BCLAF1: variants seen among roughly 807,000 people sequenced by gnomAD.
The protein encoded by BCLAF1 is bcl-2-associated transcription factor 1.
Under a neutral mutation model 99.5 loss-of-function variants are expected in BCLAF1, and 10 were observed. That is an observed-to-expected ratio of 0.10 (90% CI 0.06 to 0.17). The LOEUF is 0.17. Ranked by LOEUF, BCLAF1 falls within the 10% of genes least tolerant of loss-of-function variation. The pLI is 1.00. For synonymous variants in BCLAF1, 255 were observed against 370.9 expected (o/e 0.69, Z 3.59); for missense variants, 636 against 1,105.8 (o/e 0.58, Z 6.02).
chr6:136,288,045 G>A (rs1384721508), intron 1 of BCLAF1, among the ~76,000 whole-genome samples: 1 of 152,176 alleles, frequency 6.6e-6, no homozygotes, highest in Non-Finnish European at 1.5e-5. Context: ...AACCAGACCT[G>A]AGCCTACCAG....
intron 8 of BCLAF1, 198 bp downstream of exon 8, chr6:136,271,795 CTT>C (rs1782569239): frequency 1.1e-5 from 4 of 379,062 alleles, no homozygotes; most frequent in South Asian, 1.5e-4. Flanking sequence ...AAAAAACACT[CTT>C]GGTTTAAATT....
chr6:136,286,555 G>A (rs903933162), intron 1 of BCLAF1, among the ~76,000 whole-genome samples: 9 of 152,178 alleles, frequency 5.9e-5, no homozygotes, highest in Non-Finnish European at 1.2e-4. Flanking sequence ...GGTAACCCTT[G>A]TTTAGGCAGC....
At chr6:136,283,552 A>C (rs1784660440) in intron 1 of BCLAF1, among the ~76,000 whole-genome samples, 1 of 152,214 alleles carries the variant, frequency 6.6e-6, no homozygotes, top group Non-Finnish European at 1.5e-5. Context: ...TATTCACATC[A>C]AGTATGTGCA....
At chr6:136,287,101 C>T (rs1785241837) in intron 1 of BCLAF1, among the ~76,000 whole-genome samples, 1 of 151,890 alleles carries the variant, frequency 6.6e-6, no homozygotes, top group African/African-American at 2.4e-5. Context: ...GATCACGCCA[C>T]TGCACACCAG....
At chr6:136,266,894 G>A (rs1781792682) in intron 11 of BCLAF1, 135 bp downstream of exon 11, 2 of 1,144,982 alleles carry the variant, frequency 1.7e-6, no homozygotes, top group African/African-American at 1.6e-5. Flanking sequence ...AATCGTCTGG[G>A]TAATTATTTT....
chr6:136,271,292 T>C (rs1384730330), intron 8 of BCLAF1, among the ~76,000 whole-genome samples: 1 of 151,880 alleles, frequency 6.6e-6, no homozygotes, highest in Non-Finnish European at 1.5e-5. Context: ...AGTTGCTCCC[T>C]TTCTGCCTTT....
intron 10 of BCLAF1, 136 bp downstream of exon 10, chr6:136,268,026 C>A (rs1781961340): frequency 2.3e-6 from 2 of 865,436 alleles, no homozygotes; most frequent in African/African-American, 1.7e-5. Flanking sequence ...AACACCACTT[C>A]ATGTTTCAAT....
rs1231091149 is a variant in BCLAF1 at position 136,258,201 on chromosome 6, T to A, written c.*2909A>T. The A allele has an allele frequency of 1.3e-5, 2 of 152,108 alleles. No homozygotes were observed. Among genetic ancestry groups the A allele is most frequent in the Admixed American group, 6.5e-5 (1 of 15,272 alleles). 9.4% of individuals were successfully genotyped at this position (152,108 alleles called of 1,614,324 possible). A position where few individuals can be genotyped will look rare whatever the true frequency, so the allele number is the denominator to read the frequency against. On this transcript the variant is annotated 3_prime_UTR_variant, in exon 13 of 13. Transcript: ENST00000531224. ...GAATGAAAAGACAATTCTTTTTACTTATTTACTAGCTACTATGTTTTTAGA... is the reference window on the plus strand; with the variant it reads ...GAATGAAAAGACAATTCTTTTTACTAATTTACTAGCTACTATGTTTTTAGA...
chr6:136,276,871 T>C (rs1187361407), intron 4 of BCLAF1, among the ~76,000 whole-genome samples: 3 of 152,200 alleles, frequency 2.0e-5, no homozygotes, highest in Admixed American at 1.3e-4. Context: ...AGAATTCTAT[T>C]GATAATTATC....
intron 11 of BCLAF1, among the ~76,000 whole-genome samples, chr6:136,263,086 T>C (rs879266968): frequency 1.3e-5 from 2 of 152,200 alleles, no homozygotes; most frequent in Non-Finnish European, 2.9e-5. Context: ...ACACTTCACA[T>C]GTATTTATTC....
At chr6:136,273,673 T>A (rs1782863499) in intron 6 of BCLAF1, 1 of 155,540 alleles carries the variant, frequency 6.4e-6, no homozygotes, top group Non-Finnish European at 1.4e-5. Flanking sequence ...ATAAAAACAC[T>A]GAATATTATC....
rs1263358071 is a variant in BCLAF1 at position 136,258,205 on chromosome 6, T to TA, written c.*2904dup. ...GAAAAGACAATTCTTTTTACTTATT[T>TA]ACTAGCTACTATGTTTTTAGAAAGA... On this transcript the variant is annotated 3_prime_UTR_variant, in exon 13 of 13. Transcript: ENST00000531224. The TA allele has an allele frequency of 5.9e-5, 9 of 152,114 alleles. No homozygotes were observed. Among genetic ancestry groups the TA allele is most frequent in the Non-Finnish European group, 8.8e-5 (6 of 67,938 alleles). 9.4% of individuals were successfully genotyped at this position (152,114 alleles called of 1,614,324 possible). A position where few individuals can be genotyped will look rare whatever the true frequency, so the allele number is the denominator to read the frequency against.
intron 8 of BCLAF1, among the ~76,000 whole-genome samples, chr6:136,270,732 C>G (rs1048822270): frequency 5.9e-5 from 9 of 151,754 alleles, no homozygotes; most frequent in African/African-American, 2.2e-4. Context: ...AGGATAAAAA[C>G]CAATGGCATA....
Position 136,265,430 on chromosome 6 carries a change from C to T in BCLAF1, c.2544+1599G>A, listed in dbSNP as rs78807329. 5.2e-3 allele frequency among the ~76,000 whole-genome samples: 784 copies of T among 152,222 alleles called. 8 individuals are homozygous for T. The highest frequency in any genetic ancestry group is 0.018 in the African/African-American group (755 of 41,562). ...CTACCAACTCCCTGAATTCAAGTCC[C>T]CATAAATGTTACTTTCTCAAATCTA... On this transcript the variant is annotated intron_variant, in intron 11 of 12. Coordinates refer to ENST00000531224, the MANE Select transcript of BCLAF1 (RefSeq NM_014739.3).
intron 1 of BCLAF1, among the ~76,000 whole-genome samples, chr6:136,285,785 G>C (rs755423891): frequency 1.6e-4 from 24 of 152,130 alleles, no homozygotes; most frequent in Non-Finnish European, 5.9e-5. Context: ...TAGAACATAA[G>C]TGATCAGAAA....
intron 10 of BCLAF1, among the ~76,000 whole-genome samples, chr6:136,267,771 A>C (rs1338011454): frequency 1.3e-5 from 2 of 152,044 alleles, no homozygotes; most frequent in Admixed American, 1.3e-4. Context: ...GGATTTGAAG[A>C]AAGCAGGCAA....
intron 11 of BCLAF1, among the ~76,000 whole-genome samples, chr6:136,266,610 AT>A (rs1419207848): frequency 6.6e-6 from 1 of 152,056 alleles, no homozygotes; most frequent in East Asian, 1.9e-4. Context: ...CCTCCCTAAA[AT>A]TCTTAATTAC....
Position 136,277,796 on chromosome 6 carries a change from T to C in BCLAF1, c.1016+69A>G. The stretch of plus-strand genomic sequence containing the variant: ...TAAATACATATCACAATTTTACGTT[T>C]ATAATTCCAAACAGAATTCAAAGAA... On this transcript the variant is annotated intron_variant, in intron 4 of 12. Coordinates refer to ENST00000531224, the MANE Select transcript of BCLAF1 (RefSeq NM_014739.3). The C allele has an allele frequency of 4.0e-6, 6 of 1,502,436 alleles. No homozygotes were observed. In the South Asian group the frequency reaches 8.1e-5, roughly 20 times the overall value. 93.1% of individuals were successfully genotyped at this position (1,502,436 alleles called of 1,614,324 possible).
In BCLAF1 at chr6:136,276,523, AG is replaced by A; in HGVS notation, c.1017-16del. 3.2e-6 allele frequency: 5 copies of A among 1,574,968 alleles called. No individual in the cohort carries two copies. Among genetic ancestry groups the A allele is most frequent in the Non-Finnish European group, 4.3e-6 (5 of 1,166,282 alleles). Reference sequence around the variant, plus strand: ...CATCTGTGAACCTGCGAATAAGCAAAGAAGAGGATAGTAACTCTGGATTGCA... The same window carrying A: ...CATCTGTGAACCTGCGAATAAGCAAAAAGAGGATAGTAACTCTGGATTGCA... On this transcript the variant is annotated splice_polypyrimidine_tract_variant and intron_variant, in intron 4 of 12. Coordinates refer to ENST00000531224, the MANE Select transcript of BCLAF1 (RefSeq NM_014739.3).
Sources: allele counts gnomAD v4.1 joint callset (sites outside exome capture counted in the v4.1 genomes callset), GRCh38; gene constraint gnomAD v4.1.1; transcripts MANE v1.5; gene names NCBI Gene and HGNC (gene_info 2026-07-23, HGNC 2026-07-21).